The following CLDN10 variants were observed in gnomAD, a reference collection of about 807,000 sequenced individuals.
The protein encoded by CLDN10 is claudin 10, also known as claudin-10.
A neutral mutation model predicts 22.9 loss-of-function variants in CLDN10; 15 were observed. That is an observed-to-expected ratio of 0.65 (90% CI 0.44 to 1.01). The LOEUF is 1.01. Among genes scored for constraint, CLDN10 ranks in the 50% least tolerant of loss-of-function variants. CLDN10 has a pLI of 0.00. For synonymous variants in CLDN10, 114 were observed against 111.4 expected (o/e 1.02, Z -0.15); for missense variants, 247 against 287.8 (o/e 0.86, Z 1.03).
intron 1 of CLDN10, among the ~76,000 whole-genome samples, chr13:95,435,562 C>G (rs2042260463): frequency 6.6e-6 from 1 of 152,144 alleles, no homozygotes; most frequent in Non-Finnish European, 1.5e-5. Flanking sequence ...TTGAGGACTC[C>G]ATGCTATGTC....
chr13:95,470,419 G>A (rs1475644363), intron 1 of CLDN10, among the ~76,000 whole-genome samples: 1 of 152,124 alleles, frequency 6.6e-6, no homozygotes, highest in African/African-American at 2.4e-5. Context: ...GGCTGGATGA[G>A]AGACCTGTAT....
intron 1 of CLDN10, among the ~76,000 whole-genome samples, chr13:95,434,795 T>C (rs749192877): frequency 6.6e-6 from 1 of 152,100 alleles, no homozygotes. Flanking sequence ...GTAATCCGTA[T>C]GTCTCCTTAC....
intron 1 of CLDN10, chr13:95,479,659 G>A (rs559261031): frequency 6.6e-6 from 1 of 152,222 alleles, no homozygotes; most frequent in South Asian, 2.1e-4. Context: ...TTCAAAATAA[G>A]CACATATTTT....
chr13:95,443,235 C>T lies in CLDN10; in HGVS notation c.214+9188C>T, dbSNP rs115313458. 6.2e-3 allele frequency among the ~76,000 whole-genome samples: 939 copies of T among 152,230 alleles called. 8 individuals carry two copies. The highest frequency in any genetic ancestry group is 0.022 in the African/African-American group (895 of 41,538). ...ATGTTTTGTGGACCTTAGGTGAATC[C>T]CTGGCATTTGCCCTTGTTTCCCTTT... On this transcript the variant is annotated intron_variant, in intron 1 of 4. Coordinates refer to the CLDN10 transcript ENST00000376873.
At position 95,510,838 on chromosome 13, in the gene CLDN10, C is replaced by T. The variant is rs559408376; in HGVS notation, c.215-49294C>T. The stretch of plus-strand genomic sequence containing the variant: ...TTTGTTGGAGTGAGTCTCCAATGAA[C>T]CAGTAAGTCTACAATAAACCAGTTG... On this transcript the variant is annotated intron_variant, in intron 1 of 4. Transcript: ENST00000376873. Among the ~76,000 whole-genome samples, 6 of 152,184 alleles carry T rather than the reference C, an allele frequency of 3.9e-5. No homozygotes were observed. The South Asian group carries it at 1.2e-3, about 32-fold the overall frequency.
At chr13:95,507,411 CT>C (rs1351653737) in intron 1 of CLDN10, among the ~76,000 whole-genome samples, 1 of 152,188 alleles carries the variant, frequency 6.6e-6, no homozygotes, top group Non-Finnish European at 1.5e-5. Flanking sequence ...ATTTGAACCT[CT>C]GAGTTTCAAC....
At chr13:95,526,809 A>C (rs118010745) in intron 1 of CLDN10, among the ~76,000 whole-genome samples, 1 of 139,190 alleles carries the variant, frequency 7.2e-6, no homozygotes, top group Non-Finnish European at 1.6e-5. Flanking sequence ...TAAATAAATA[A>C]ATAAATAAAT....
At chr13:95,447,021 A>C (rs1043521487) in intron 1 of CLDN10, among the ~76,000 whole-genome samples, 1 of 152,124 alleles carries the variant, frequency 6.6e-6, no homozygotes, top group African/African-American at 2.4e-5. Flanking sequence ...GGGGGATACA[A>C]GAGAACGAGT....
At chr13:95,435,666 G>A (rs887732433) in intron 1 of CLDN10, among the ~76,000 whole-genome samples, 1 of 152,086 alleles carries the variant, frequency 6.6e-6, no homozygotes, top group Non-Finnish European at 1.5e-5. Flanking sequence ...GAAAAGAAGA[G>A]TGTGTGTGGA....
At chr13:95,472,450 G>A (rs925490830) in intron 1 of CLDN10, among the ~76,000 whole-genome samples, 6 of 152,116 alleles carry the variant, frequency 3.9e-5, no homozygotes, top group African/African-American at 1.4e-4. Context: ...GGGAGGCCGA[G>A]GTGGGTAGAT....
intron 1 of CLDN10, among the ~76,000 whole-genome samples, chr13:95,436,660 A>G (rs1165818260): frequency 6.6e-6 from 1 of 152,214 alleles, no homozygotes; most frequent in Non-Finnish European, 1.5e-5. Context: ...CTGAGTCAAA[A>G]TCTTTATAAA....
intron 1 of CLDN10, among the ~76,000 whole-genome samples, chr13:95,488,318 A>T (rs1312915377): frequency 6.6e-6 from 1 of 151,668 alleles, no homozygotes; most frequent in African/African-American, 2.4e-5. Flanking sequence ...ATAGAATTAC[A>T]GGTGTGAACC....
intron 1 of CLDN10, among the ~76,000 whole-genome samples, chr13:95,490,506 C>T: frequency 6.6e-6 from 1 of 152,094 alleles, no homozygotes; most frequent in African/African-American, 2.4e-5. Flanking sequence ...AAATTTCCAT[C>T]TTGATTTTGT....
chr13:95,520,797 A>C lies in CLDN10; in HGVS notation c.215-39335A>C, dbSNP rs1188406950. On this transcript the variant is annotated intron_variant, in intron 1 of 4. Coordinates refer to the CLDN10 transcript ENST00000376873. ...GGAGACCAAGACCATCCTCGCCAACATAGTGAACCCCATCTTTACTAAAAA... is the reference window on the plus strand; with the variant it reads ...GGAGACCAAGACCATCCTCGCCAACCTAGTGAACCCCATCTTTACTAAAAA... 4.6e-5 allele frequency among the ~76,000 whole-genome samples: 7 copies of C among 152,102 alleles called. No homozygotes were observed. In the East Asian group the frequency reaches 1.4e-3, roughly 29 times the overall value.
chr13:95,571,423 A>T (rs1440042113), intron 3 of CLDN10, among the ~76,000 whole-genome samples: 2 of 152,256 alleles, frequency 1.3e-5, no homozygotes, highest in Non-Finnish European at 2.9e-5. Flanking sequence ...TACTTTAGCC[A>T]CCATTTGGGA....
chr13:95,576,206 T>C (rs7325180), intron 3 of CLDN10, among the ~76,000 whole-genome samples: 47,659 of 151,978 alleles, frequency 0.31, 7,739 homozygotes, highest in Middle Eastern at 0.36. Context: ...CCCTGCACCC[T>C]GAGGAAGGAA....
intron 1 of CLDN10, among the ~76,000 whole-genome samples, chr13:95,509,074 G>A (rs1236467839): frequency 6.6e-6 from 1 of 152,176 alleles, no homozygotes; most frequent in Non-Finnish European, 1.5e-5. Context: ...GGCAGTTTTT[G>A]TGGAACTCAA....
chr13:95,446,100 C>T (rs993755808), intron 1 of CLDN10, among the ~76,000 whole-genome samples: 8 of 152,060 alleles, frequency 5.3e-5, no homozygotes, highest in Admixed American at 4.6e-4. Context: ...CTAGAGAGTC[C>T]GGTTTAGGAT....
At chr13:95,569,459 T>C (rs1243044067) in intron 3 of CLDN10, among the ~76,000 whole-genome samples, 2 of 151,972 alleles carry the variant, frequency 1.3e-5, no homozygotes, top group Non-Finnish European at 2.9e-5. Flanking sequence ...TGGCAGGTGC[T>C]TGTAGTCCCA....
Sources: allele counts gnomAD v4.1 joint callset (sites outside exome capture counted in the v4.1 genomes callset), GRCh38; gene constraint gnomAD v4.1.1; transcripts MANE v1.5; gene names NCBI Gene and HGNC (gene_info 2026-07-23, HGNC 2026-07-21).